Variants in DZIP3 observed in about 807,000 individuals in gnomAD.
The protein encoded by DZIP3 is E3 ubiquitin-protein ligase DZIP3.
In DZIP3, 118 loss-of-function variants were observed where a neutral mutation model predicts 162.0. The ratio of observed to expected loss-of-function variants is 0.73; its 90% CI spans 0.63 to 0.85. DZIP3 has a LOEUF of 0.85. Ranked by LOEUF, DZIP3 falls within the 40% of genes least tolerant of loss-of-function variation. The pLI, the probability that DZIP3 is intolerant of heterozygous loss-of-function variation, is 0.00. For synonymous variants in DZIP3, 438 were observed against 458.6 expected (o/e 0.96, Z 0.57); for missense variants, 1,331 against 1,407.0 (o/e 0.95, Z 0.86).
At chr3:108,677,465 T>A (rs778582697) in intron 25 of DZIP3, 32 bp from the exon 26 acceptor site, 26 of 1,574,782 alleles carry the variant, frequency 1.7e-5, no homozygotes, top group Middle Eastern at 1.7e-4. Flanking sequence ...AGTTGGTTGT[T>A]CTCTAAAGTA....
chr3:108,660,454 G>T (rs1471396589), intron 19 of DZIP3, among the ~76,000 whole-genome samples: 3 of 152,092 alleles, frequency 2.0e-5, no homozygotes, highest in Admixed American at 2.0e-4. Flanking sequence ...GCTGAAACTG[G>T]ATCCCTTCCT....
chr3:108,617,876 G>A lies in DZIP3; in HGVS notation c.375+1219G>A, dbSNP rs1332794851. 2.0e-5 allele frequency among the ~76,000 whole-genome samples: 3 copies of A among 152,194 alleles called. No homozygotes were observed. The East Asian group carries it at 5.8e-4, about 29-fold the overall frequency. ...AGCCTTAACAGGTACCCATTGCTTA[G>A]CCTTCTTTACTTAGACATTACTTCA... On this transcript the variant is annotated intron_variant, in intron 5 of 32. Coordinates refer to ENST00000361582, the MANE Select transcript of DZIP3 (RefSeq NM_014648.4).
rs190735779 is a variant in DZIP3, at chr3:108,621,037, G to T, written c.376-3407G>T. On this transcript the variant is annotated intron_variant, in intron 5 of 32. Coordinates refer to ENST00000361582, the MANE Select transcript of DZIP3 (RefSeq NM_014648.4). ...AGGGTTTCACCATGTTGGCCAGGAT[G>T]GTCTCGATGTCCTGACCTTGTAATC... is the stretch of plus-strand genomic sequence containing the variant. 2.2e-4 allele frequency among the ~76,000 whole-genome samples: 34 copies of T among 152,246 alleles called. No individual in the cohort carries two copies. In the East Asian group the frequency reaches 6.4e-3, roughly 29 times the overall value.
chr3:108,640,310 A>C (rs1488578424), intron 12 of DZIP3, among the ~76,000 whole-genome samples: 1 of 135,840 alleles, frequency 7.4e-6, no homozygotes, highest in Non-Finnish European at 1.5e-5. Context: ...ATGTTGAAGT[A>C]TACTATTCAT....
chr3:108,684,241 T>C lies in DZIP3; in HGVS notation c.2909T>C (p.Leu970Pro), dbSNP rs1282159565. ...ATGCAGCAGTTCTTAGGAAGACCTC[T>C]TGTGAAAGAATCTTTCTTTAGACCC... is the stretch of plus-strand genomic sequence containing the variant. ...ILMQQFLGRP[L>P]VKESFFRPIL... Residue 970 changes from leucine (L) to proline (P), a missense_variant, in exon 27 of 33, where the codon CTT (leucine) becomes CCT (proline). Coordinates refer to ENST00000361582, the MANE Select transcript of DZIP3 (RefSeq NM_014648.4). 4 of 1,612,194 alleles carry C rather than the reference T, an allele frequency of 2.5e-6. No homozygotes were observed. In the Middle Eastern group the frequency reaches 5.0e-4, roughly 200 times the overall value.
At chr3:108,599,877 C>T (rs988621986) in intron 1 of DZIP3, among the ~76,000 whole-genome samples, 4 of 152,140 alleles carry the variant, frequency 2.6e-5, no homozygotes, top group Non-Finnish European at 4.4e-5. Context: ...GACTTCTAGC[C>T]TCCGGAACTG....
At chr3:108,671,160 T>C (rs1419877055) in intron 22 of DZIP3, among the ~76,000 whole-genome samples, 2 of 151,892 alleles carry the variant, frequency 1.3e-5, no homozygotes, top group Non-Finnish European at 2.9e-5. Context: ...AGGCAACTTT[T>C]ACATAATATT....
chr3:108,605,355 A>G lies in DZIP3; in HGVS notation c.-52A>G. 6.2e-7 allele frequency: 1 copy of G among 1,612,090 alleles called. No homozygotes were observed. Among genetic ancestry groups the G allele is most frequent in the South Asian group, 1.1e-5 (1 of 90,882 alleles). On this transcript the variant is annotated 5_prime_UTR_variant, in exon 2 of 33. Transcript: ENST00000361582. ...TACAGCATTAAAGGGCAGTATTTAA[A>G]GTCAGTTGGCAAGCAGTGGAATAAG...
intron 14 of DZIP3, among the ~76,000 whole-genome samples, chr3:108,645,240 A>C (rs1310278255): frequency 6.6e-6 from 1 of 152,178 alleles, no homozygotes; most frequent in South Asian, 2.1e-4. Flanking sequence ...AAGACTTTTG[A>C]GTACAGTTTT....
intron 4 of DZIP3, among the ~76,000 whole-genome samples, chr3:108,614,831 G>A (rs373945945): frequency 2.0e-4 from 31 of 152,100 alleles, no homozygotes; most frequent in African/African-American, 6.5e-4. Context: ...TGTGATAACC[G>A]CAGTGGCCCA....
chr3:108,629,743 CTATTATACAATGCGATTTTGCCA>C (rs1239523899), intron 8 of DZIP3, among the ~76,000 whole-genome samples: 1 of 151,482 alleles, frequency 6.6e-6, no homozygotes, highest in Non-Finnish European at 1.5e-5. Context: ...AGTCATTAGA[CTATTATACAATGCGATTTTGCCA>C]TATTATACAA....
intron 1 of DZIP3, among the ~76,000 whole-genome samples, chr3:108,602,428 G>C (rs1940071706): frequency 6.6e-6 from 1 of 152,150 alleles, no homozygotes; most frequent in South Asian, 2.1e-4. Flanking sequence ...CTACAGATAA[G>C]ATCATCTTGG....
chr3:108,596,623 G>T (rs868390437), intron 1 of DZIP3, among the ~76,000 whole-genome samples: 4 of 151,678 alleles, frequency 2.6e-5, no homozygotes, highest in Middle Eastern at 3.4e-3. Flanking sequence ...AGAATTTTAG[G>T]TTGGCCAAGA....
chr3:108,631,055 A>ACACACACACACTCTCTCTCTCTCTCTCT, intron 8 of DZIP3, among the ~76,000 whole-genome samples: 3 of 18,012 alleles, frequency 1.7e-4, no homozygotes, highest in South Asian at 2.3e-3. Context: ...ACACACACAC[A>ACACACACACACTCTCTCTCTCTCTCTCT]CTCTCTCTCT....
At chr3:108,657,454 C>A (rs1483066237) in intron 19 of DZIP3, among the ~76,000 whole-genome samples, 1 of 152,056 alleles carries the variant, frequency 6.6e-6, no homozygotes, top group Non-Finnish European at 1.5e-5. Flanking sequence ...ATTTTTGTCA[C>A]CACCAGGCCT....
At position 108,688,616 on chromosome 3, in the gene DZIP3, T is replaced by C. The variant is rs369870786; in HGVS notation, c.3294T>C (p.Asn1098=). The C allele has an allele frequency of 5.5e-5, 88 of 1,612,938 alleles. No homozygotes were observed. Among genetic ancestry groups the C allele is most frequent in the Non-Finnish European group, 7.0e-5 (83 of 1,179,776 alleles). The change falls in exon 30 of 33, where the codon AAT becomes AAC. Residue 1098 remains asparagine, a synonymous_variant. Transcript: ENST00000361582. ...AGAGTCAAGGAAAATCAGTGTCAAA[T>C]GTTAATTGTGTTTCACCTAGTCATT... ...KSQSQGKSVS[N]VNCVSPSHSP...
intron 1 of DZIP3, among the ~76,000 whole-genome samples, chr3:108,596,030 A>G (rs1262445182): frequency 6.6e-6 from 1 of 152,192 alleles, no homozygotes; most frequent in Non-Finnish European, 1.5e-5. Context: ...TGATAGCGGT[A>G]AGTATTAGGG....
intron 22 of DZIP3, 32 bp downstream of exon 22, chr3:108,669,781 C>G (rs762366419): frequency 1.3e-6 from 2 of 1,492,164 alleles, no homozygotes; most frequent in Non-Finnish European, 1.9e-6. Flanking sequence ...TGGGTGCACT[C>G]TCTCTGAAAC....
chr3:108,647,882 A>G, intron 15 of DZIP3, 61 bp from the exon 16 acceptor site: 2 of 1,373,490 alleles, frequency 1.5e-6, no homozygotes, highest in Non-Finnish European at 9.7e-7. Flanking sequence ...ACATTATAAC[A>G]TTGATAAGAA....
Sources: gnomAD v4.1 joint callset for allele counts (sites outside exome capture counted in the v4.1 genomes callset) on GRCh38, gnomAD v4.1.1 for gene constraint, MANE v1.5 for transcripts, NCBI Gene and HGNC (gene_info 2026-07-23, HGNC 2026-07-21) for gene names.